MEF2A: variants seen among roughly 807,000 people sequenced by gnomAD.
MEF2A encodes the protein myocyte-specific enhancer factor 2A.
A neutral mutation model predicts 55.8 loss-of-function variants in MEF2A; 28 were observed. The ratio of observed to expected loss-of-function variants is 0.50; its 90% confidence interval spans 0.37 to 0.69. The LOEUF (loss-of-function observed/expected upper bound fraction) is 0.69. Ranked by LOEUF, MEF2A falls within the 30% of genes least tolerant of loss-of-function variation. The pLI is 0.00. For missense variants in MEF2A, 528 were observed against 626.2 expected, an observed-to-expected ratio of 0.84 and a Z score of 1.67; for synonymous variants, 239 against 227.1, an observed-to-expected ratio of 1.05 and a Z score of -0.47.
chr15:99,588,338 G>T (rs188386758), intron 1 of MEF2A, among the ~76,000 whole-genome samples: 2 of 152,146 alleles, frequency 1.3e-5, no homozygotes, highest in East Asian at 3.9e-4. Context: ...GAGTCTCACT[G>T]TTGCCCAGGC....
At position 99,712,057 on chromosome 15, in the gene MEF2A, C is replaced by T. The variant is rs1265847911; in HGVS notation, c.1137-333C>T. ...ATGCTGAGGAAGAAGAGGCGGTGAG[C>T]AGATGAGGCTGCTGTTCCTCTGTCT... is the stretch of plus-strand genomic sequence containing the variant. On this transcript the variant is annotated intron_variant, in intron 11 of 11. Coordinates refer to ENST00000557942, the MANE Select transcript of MEF2A (RefSeq NM_001319206.4). This position sits in a 1 kb window ranked among gnomAD's most constrained non-coding sequence, Gnocchi z 4.1. 6.6e-6 allele frequency among the ~76,000 whole-genome samples: 1 copy of T among 152,220 alleles called. No homozygotes were observed. Among genetic ancestry groups the T allele is most frequent in the Non-Finnish European group, 1.5e-5 (1 of 68,044 alleles).
intron 11 of MEF2A, among the ~76,000 whole-genome samples, chr15:99,711,737 T>C (rs927387761): frequency 5.9e-5 from 9 of 152,218 alleles, no homozygotes; most frequent in Non-Finnish European, 8.8e-5. Flanking sequence ...TTAGGAATTA[T>C]GTCATGGAAA....
At chr15:99,696,148 A>C (rs2056453107) in intron 8 of MEF2A, among the ~76,000 whole-genome samples, 1 of 152,234 alleles carries the variant, frequency 6.6e-6, no homozygotes, top group African/African-American at 2.4e-5. Flanking sequence ...TGAGTAGAAA[A>C]ATCCACAATT....
intron 7 of MEF2A, among the ~76,000 whole-genome samples, chr15:99,676,771 C>T (rs948888195): frequency 6.6e-5 from 10 of 152,068 alleles, no homozygotes; most frequent in African/African-American, 9.6e-5. Flanking sequence ...GGAGTTTCAC[C>T]GTGTTAGCCA....
intron 1 of MEF2A, among the ~76,000 whole-genome samples, chr15:99,579,866 T>TA (rs1965411442): frequency 6.6e-6 from 1 of 152,286 alleles, no homozygotes; most frequent in East Asian, 1.9e-4. Flanking sequence ...TGTAGGACCT[T>TA]AACTATTCCC....
chr15:99,634,052 A>G (rs1457875305), intron 3 of MEF2A, among the ~76,000 whole-genome samples: 3 of 152,222 alleles, frequency 2.0e-5, no homozygotes, highest in African/African-American at 4.8e-5. Context: ...TTATAAAGGA[A>G]CTACTGGAGA....
intron 9 of MEF2A, among the ~76,000 whole-genome samples, chr15:99,705,091 G>A (rs325413): frequency 0.65 from 99,542 of 152,136 alleles, 35,938 homozygotes; most frequent in Middle Eastern, 0.86. Flanking sequence ...AAGTTGTTCA[G>A]CTTGCCTTGA....
At chr15:99,661,367 CTG>C (rs1244017879) in intron 4 of MEF2A, among the ~76,000 whole-genome samples, 1 of 147,950 alleles carries the variant, frequency 6.8e-6, no homozygotes, top group African/African-American at 2.5e-5. Flanking sequence ...AAGGAAAAAA[CTG>C]ATAAATTTGA....
chr15:99,616,777 T>C (rs536100867), intron 2 of MEF2A, among the ~76,000 whole-genome samples: 4 of 152,092 alleles, frequency 2.6e-5, no homozygotes, highest in Non-Finnish European at 5.9e-5. Flanking sequence ...TAAAGTAATG[T>C]TATATTTGGT....
rs1009395611 is a variant in MEF2A, at chr15:99,567,379, G to A, written c.-225+1275G>A. Among the ~76,000 whole-genome samples the A allele has an allele frequency of 2.8e-4, 42 of 152,278 alleles. 1 individual carries two copies. The highest frequency in any genetic ancestry group is 1.0e-3 in the African/African-American group (42 of 41,558). On this transcript the variant is annotated intron_variant, in intron 1 of 11. Coordinates refer to ENST00000557942, the MANE Select transcript of MEF2A (RefSeq NM_001319206.4). Reference sequence around the variant, plus strand: ...TATGAAGAGGAGGTTCTCTAAAGCTGTAATTAGGTGTACATTACCCAAGAG... The same window carrying A: ...TATGAAGAGGAGGTTCTCTAAAGCTATAATTAGGTGTACATTACCCAAGAG...
At chr15:99,680,842 C>T (rs1192244402) in intron 7 of MEF2A, among the ~76,000 whole-genome samples, 5 of 152,156 alleles carry the variant, frequency 3.3e-5, no homozygotes, top group Admixed American at 1.3e-4. Flanking sequence ...ACAGTTACCT[C>T]TACAGTCATA....
intron 1 of MEF2A, among the ~76,000 whole-genome samples, chr15:99,567,626 A>AATGTGT (rs1567124507): frequency 4.1e-4 from 50 of 122,082 alleles, no homozygotes; most frequent in African/African-American, 1.5e-3. Context: ...TTTTGTATGT[A>AATGTGT]CTGTGTGTGT....
intron 2 of MEF2A, among the ~76,000 whole-genome samples, chr15:99,604,949 T>C (rs116700081): frequency 1.9e-3 from 297 of 152,332 alleles, no homozygotes; most frequent in African/African-American, 6.7e-3. Context: ...TTTGTTAGTT[T>C]ATCTGCTTTT....
intron 4 of MEF2A, among the ~76,000 whole-genome samples, chr15:99,652,127 G>A (rs1376755641): frequency 6.6e-6 from 1 of 152,182 alleles, no homozygotes; most frequent in African/African-American, 2.4e-5. Flanking sequence ...TTGCTCTAGA[G>A]GTGATGCTAT....
At chr15:99,707,983 G>C (rs2058228581) in intron 10 of MEF2A, among the ~76,000 whole-genome samples, 1 of 151,578 alleles carries the variant, frequency 6.6e-6, no homozygotes, top group Non-Finnish European at 1.5e-5. Context: ...TTTTCCAACC[G>C]TTAGTATGAA....
At chr15:99,651,159 A>G (rs991586640) in intron 4 of MEF2A, among the ~76,000 whole-genome samples, 2 of 152,140 alleles carry the variant, frequency 1.3e-5, no homozygotes, top group African/African-American at 2.4e-5. Flanking sequence ...TCGATTCCAC[A>G]TGGTTATAAG....
chr15:99,663,415 A>T (rs999284440), intron 4 of MEF2A, among the ~76,000 whole-genome samples: 1 of 152,210 alleles, frequency 6.6e-6, no homozygotes, highest in East Asian at 1.9e-4. Context: ...AACTGAAAAC[A>T]CTTTTAACAT....
At chr15:99,652,403 A>C (rs1273119808) in intron 4 of MEF2A, among the ~76,000 whole-genome samples, 2 of 152,182 alleles carry the variant, frequency 1.3e-5, no homozygotes, top group Non-Finnish European at 2.9e-5. Context: ...CTTGCCCACC[A>C]CTTACTTCCT....
chr15:99,656,974 C>T (rs2047838801), intron 4 of MEF2A, among the ~76,000 whole-genome samples: 1 of 152,128 alleles, frequency 6.6e-6, no homozygotes, highest in East Asian at 1.9e-4. Context: ...TCCTCCTTCC[C>T]CTACATCCTG....
Sources: gnomAD v4.1 joint callset for allele counts (sites outside exome capture counted in the v4.1 genomes callset) on GRCh38, gnomAD v4.1.1 for gene constraint, Gnocchi (gnomAD v3.1) non-coding constraint, MANE v1.5 for transcripts, NCBI Gene and HGNC (gene_info 2026-07-23, HGNC 2026-07-21) for gene names.